Variants in NRK observed in about 807,000 individuals in gnomAD.
NRK encodes the protein Nik related kinase.
A neutral mutation model predicts 125.2 loss-of-function variants in NRK; 67 were observed. The observed-to-expected ratio is 0.54, with a 90% confidence interval of 0.44 to 0.66. The LOEUF is 0.66. Among genes scored for constraint, NRK ranks in the 30% least tolerant of loss-of-function variants. NRK has a pLI of 0.00. For missense variants in NRK, 1,224 were observed against 1,192.9 expected (o/e 1.03, Z -0.38); for synonymous variants, 458 against 429.0 (o/e 1.07, Z -0.84).
intron 19 of NRK, among the ~76,000 whole-genome samples, chrX:105,930,242 A>T (rs868385927): frequency 5.4e-5 from 6 of 111,072 alleles, no homozygotes; most frequent in Admixed American, 9.6e-5. Context: ...CATAAGTTCT[A>T]TAGGCTCTCT....
At chrX:105,834,902 C>A (rs1432412760) in intron 2 of NRK, among the ~76,000 whole-genome samples, 1 of 111,125 alleles carries the variant, frequency 9.0e-6, no homozygotes, top group Non-Finnish European at 1.9e-5. Context: ...GTACTGAAAT[C>A]CCCTATTTGT....
rs1386439227 is a variant in NRK, at chrX:105,955,541, C to T, written c.4690C>T (p.Arg1564Trp). The change falls in exon 29 of 29, where the codon CGG (arginine) becomes TGG (tryptophan). Residue 1564 changes from arginine to tryptophan, a missense_variant. Physicochemically the swap from Arg to Trp is moderately radical, Grantham distance 101. Transcript: ENST00000243300. Reference protein sequence around the residue: ...FTSTLRNHHSRVYFMTLGKLE... With the variant: ...FTSTLRNHHSWVYFMTLGKLE... ...CTCTACCCTGCGCAATCACCACAGC[C>T]GGGTTTACTTCATGACACTTGGAAA... 1.7e-5 allele frequency: 20 copies of T among 1,192,444 alleles called. No individual in the cohort carries two copies. Among genetic ancestry groups the T allele is most frequent in the Non-Finnish European group, 2.1e-5 (19 of 883,866 alleles).
intron 19 of NRK, among the ~76,000 whole-genome samples, chrX:105,927,580 C>A (rs920441265): frequency 4.5e-5 from 5 of 111,260 alleles, no homozygotes; most frequent in African/African-American, 1.6e-4. Flanking sequence ...AGAATTTCAG[C>A]TTCTCTCATT....
In NRK at chrX:105,915,910, A is replaced by T. The variant is rs1206017880; in HGVS notation, c.2417+113A>T. 4 of 425,975 alleles carry T rather than the reference A, an allele frequency of 9.4e-6. No homozygotes were observed. In the South Asian group the frequency reaches 1.4e-4, roughly 15 times the overall value. The allele number at this position is 425,975 out of a possible 1,213,427, so 35.1% of individuals were successfully genotyped here. A position where few individuals can be genotyped will look rare whatever the true frequency, so the allele number is the denominator to read the frequency against. ...AGTCAACTAAAATATCCGTGACAAC[A>T]TCATCACCATTGACTTTATTGGCCC... On this transcript the variant is annotated intron_variant, in intron 15 of 28. Transcript: ENST00000243300.
At chrX:105,899,529 A>G (rs2040128516) in intron 8 of NRK, among the ~76,000 whole-genome samples, 1 of 112,094 alleles carries the variant, frequency 8.9e-6, no homozygotes, top group Non-Finnish European at 1.9e-5. Context: ...TACGAAGACT[A>G]TGGAAGCATG....
chrX:105,932,979 T>C (rs986100222), intron 19 of NRK, among the ~76,000 whole-genome samples: 3 of 111,574 alleles, frequency 2.7e-5, no homozygotes, highest in African/African-American at 9.8e-5. Flanking sequence ...TGTCTAATCC[T>C]TCCATGATTA....
intron 2 of NRK, among the ~76,000 whole-genome samples, chrX:105,864,408 T>A (rs1196216269): frequency 5.4e-5 from 6 of 111,430 alleles, no homozygotes; most frequent in Admixed American, 4.8e-4. Context: ...AATTTCTAAA[T>A]CTTTTAAAAT....
At position 105,949,629 on chromosome X, in the gene NRK, A is replaced by G. The variant is rs771009587; in HGVS notation, c.4408A>G (p.Ile1470Val). 31 of 1,190,628 alleles carry G rather than the reference A, an allele frequency of 2.6e-5. No homozygotes were observed. The highest frequency in any genetic ancestry group is 2.1e-4 in the African/African-American group (12 of 56,617). ...CATCATTTTACCTGATTGCTTGGGA[A>G]TTGGCATGATGCTCACCTTCAATGC... The part of the protein sequence containing the change: ...NIIILPDCLG[I>V]GMMLTFNAEA... Residue 1470 changes from isoleucine (I) to valine (V), a missense_variant, in exon 27 of 29, where the codon ATT (isoleucine) becomes GTT (valine). By Grantham distance (29) the Ile-to-Val change is conservative. Transcript: ENST00000243300.
intron 14 of NRK, among the ~76,000 whole-genome samples, chrX:105,913,575 T>A (rs1370063645): frequency 2.7e-5 from 3 of 111,847 alleles, no homozygotes; most frequent in Non-Finnish European, 5.7e-5. Context: ...AATTTTCCTT[T>A]GCAAGCTCAA....
intron 2 of NRK, among the ~76,000 whole-genome samples, chrX:105,860,057 G>C (rs1034097167): frequency 9.0e-6 from 1 of 110,870 alleles, no homozygotes; most frequent in Non-Finnish European, 1.9e-5. Context: ...GCTATGTGTC[G>C]GGCACTATGC....
intron 2 of NRK, among the ~76,000 whole-genome samples, chrX:105,877,893 C>A (rs1165215209): frequency 9.0e-6 from 1 of 110,925 alleles, no homozygotes; most frequent in African/African-American, 3.3e-5. Flanking sequence ...CTTTTAATGA[C>A]ATTCAGTTGT....
Position 105,912,760 on chromosome X carries a change from AT to A in NRK, c.2349+10del. 1.1e-6 allele frequency: 1 copy of A among 900,234 alleles called. No homozygotes were observed. Among genetic ancestry groups the A allele is most frequent in the Non-Finnish European group, 1.6e-6 (1 of 644,867 alleles). 74.2% of individuals were successfully genotyped at this position (900,234 alleles called of 1,213,427 possible). On this transcript the variant is annotated splice_donor_region_variant and intron_variant, in intron 14 of 28. Coordinates refer to ENST00000243300, the MANE Select transcript of NRK (RefSeq NM_198465.4). ...TCAAATCCTAAAAAAATTGAGGTAA[AT>A]TTTTCAATATGAGTTGTTGTGACAT...
chrX:105,950,520 A>C (rs760840700), intron 27 of NRK, among the ~76,000 whole-genome samples: 1 of 95,969 alleles, frequency 1.0e-5, no homozygotes, highest in South Asian at 5.6e-4. Context: ...TAAAGGAAAA[A>C]GGCAGCAGTG....
At chrX:105,858,182 AG>A (rs760543497) in intron 2 of NRK, among the ~76,000 whole-genome samples, 1 of 111,443 alleles carries the variant, frequency 9.0e-6, no homozygotes. Context: ...TTACCAGCAC[AG>A]TCAGTATAAT....
In NRK at chrX:105,956,351, T is replaced by G. The variant is rs1252467758; in HGVS notation, c.*751T>G. 1 of 112,114 alleles carries G rather than the reference T, an allele frequency of 8.9e-6. No individual in the cohort carries two copies. Among genetic ancestry groups the G allele is most frequent in the Non-Finnish European group, 1.9e-5 (1 of 53,147 alleles). The allele number at this position is 112,114 out of a possible 1,213,427, so 9.2% of individuals were successfully genotyped here. A position where few individuals can be genotyped will look rare whatever the true frequency, so the allele number is the denominator to read the frequency against. ...CAAATAATACAGTTGTGAGCCTGAA[T>G]ACAGGACTGAACTCCTATACACGTG... On this transcript the variant is annotated 3_prime_UTR_variant, in exon 29 of 29. Transcript: ENST00000243300.
At chrX:105,948,022 T>C (rs188487109) in intron 26 of NRK, among the ~76,000 whole-genome samples, 88 of 111,962 alleles carry the variant, frequency 7.9e-4, no homozygotes, top group Non-Finnish European at 1.1e-3. Context: ...AATTTTGATA[T>C]AGCTATTGTT....
rs752081364 is a variant in NRK, at chrX:105,940,862, A to G, written c.3958+830A>G. On this transcript the variant is annotated intron_variant, in intron 23 of 28. Transcript: ENST00000243300. ...CTGGAATCACATTATATAAATTGCA[A>G]TGGGATATTTCTGTCCTGACTGACC... Among the ~76,000 whole-genome samples the G allele has an allele frequency of 8.7e-4, 97 of 111,838 alleles. No individual in the cohort carries two copies. In the Admixed American group the frequency reaches 8.7e-3, roughly 10 times the overall value.
chrX:105,853,216 A>G (rs191952944), intron 2 of NRK, among the ~76,000 whole-genome samples: 1 of 111,897 alleles, frequency 8.9e-6, no homozygotes. Context: ...AGAAATGCAA[A>G]TTCTTGGGAG....
Position 105,912,650 on chromosome X carries a change from C to A in NRK, c.2244C>A (p.Asp748Glu), listed in dbSNP as rs2040316559. ...TTACTTTCCTTTTTGTTTCAAAGGA[C>A]AAAGAAGATGAATCATCAGACAATG... ...HEEELRQVDK[D>E]KEDESSDNDE... Residue 748 changes from aspartate (D) to glutamate (E), a missense_variant and splice_region_variant, in exon 14 of 29, where the codon GAC becomes GAA. By Grantham distance (45) the Asp-to-Glu change is conservative. Transcript: ENST00000243300. The A allele has an allele frequency of 7.6e-6, 8 of 1,058,582 alleles. No homozygotes were observed. The highest frequency in any genetic ancestry group is 1.0e-5 in the Non-Finnish European group (8 of 792,051). The allele number at this position is 1,058,582 out of a possible 1,213,427, so 87.2% of individuals were successfully genotyped here.
Sources: gnomAD v4.1 joint callset for allele counts (sites outside exome capture counted in the v4.1 genomes callset) on GRCh38, gnomAD v4.1.1 for gene constraint, MANE v1.5 for transcripts, NCBI Gene and HGNC (gene_info 2026-07-23, HGNC 2026-07-21) for gene names.